Variants in ABL1 observed in about 807,000 individuals in gnomAD.
ABL1 encodes the protein tyrosine-protein kinase ABL1.
In ABL1, 11 loss-of-function variants were observed where a neutral mutation model predicts 94.7. The observed-to-expected ratio is 0.12, with a 90% CI of 0.07 to 0.19. ABL1 has a LOEUF of 0.19. Among genes scored for constraint, ABL1 ranks in the 10% least tolerant of loss-of-function variants. The pLI is 1.00. For missense variants in ABL1, 1,082 were observed against 1,489.4 expected (o/e 0.73, Z 4.50); for synonymous variants, 656 against 622.4 (o/e 1.05, Z -0.80).
chr9:130,877,114 C>T (rs1033378689), intron 7 of ABL1, among the ~76,000 whole-genome samples: 2 of 147,956 alleles, frequency 1.4e-5, no homozygotes, highest in East Asian at 1.9e-4. Context: ...CAGTCCACTG[C>T]GGTTATTTTC....
chr9:130,787,484 C>G (rs987695754), intron 1 of ABL1, among the ~76,000 whole-genome samples: 2 of 152,138 alleles, frequency 1.3e-5, no homozygotes, highest in Admixed American at 1.3e-4. Flanking sequence ...TTGCTGGTAC[C>G]TCACCCCCAG....
At chr9:130,802,093 G>GTTTTTTTTT (rs755216103) in intron 1 of ABL1, among the ~76,000 whole-genome samples, 4 of 118,802 alleles carry the variant, frequency 3.4e-5, no homozygotes, top group African/African-American at 8.2e-5. Flanking sequence ...TTTTCCTTCA[G>GTTTTTTTTT]TCTTTTTTTT....
intron 1 of ABL1, among the ~76,000 whole-genome samples, chr9:130,827,969 A>T (rs959872548): frequency 2.0e-5 from 3 of 151,594 alleles, no homozygotes; most frequent in African/African-American, 7.3e-5. Flanking sequence ...CTGCTTAAAA[A>T]AAAAAGAACT....
intron 1 of ABL1, among the ~76,000 whole-genome samples, chr9:130,848,357 A>AAG: frequency 6.7e-6 from 1 of 149,550 alleles, no homozygotes; most frequent in East Asian, 2.0e-4. Context: ...AAAAAAAAAA[A>AAG]AAAAAAAAAA....
Position 130,884,864 on chromosome 9 carries a change from C to A in ABL1, c.2574C>A (p.Gly858=). 6.2e-7 allele frequency: 1 copy of A among 1,607,102 alleles called. No individual in the cohort carries two copies. The highest frequency in any genetic ancestry group is 8.5e-7 in the Non-Finnish European group (1 of 1,176,732). Residue 858 remains glycine (G), a synonymous_variant, in exon 11 of 11, where the codon GGC becomes GGA. Coordinates refer to ENST00000318560, the MANE Select transcript of ABL1 (RefSeq NM_005157.6). This position sits in a 1 kb window ranked among gnomAD's most constrained non-coding sequence, Gnocchi z 5.6. ...AEPVTPTSKA[G]SGAPGGTSKG... is the part of the protein sequence containing the mutation. ...CAGTGACCCCCACCAGCAAAGCAGG[C>A]TCAGGTGCACCAGGGGGCACCAGCA...
intron 1 of ABL1, among the ~76,000 whole-genome samples, chr9:130,821,205 C>T (rs7022066): frequency 0.01 from 1,564 of 152,262 alleles, 31 homozygotes; most frequent in African/African-American, 0.032. Context: ...GCTGGGATTA[C>T]AGGCGTGAGC....
In ABL1 at chr9:130,809,417, A is replaced by AGAGAGAGAGT. The variant is rs1389499231; in HGVS notation, c.137-44646_137-44645insAGAGAGAGTG. On this transcript the variant is annotated intron_variant, in intron 1 of 10. Transcript: ENST00000372348. ...GAGAGAGAGAGAGAGAGAGAGAGAG[A>AGAGAGAGAGT]GTGTGTGTGTGTGTGTGTGTGTGTG... Among the ~76,000 whole-genome samples the AGAGAGAGAGT allele has an allele frequency of 9.6e-3, 807 of 84,328 alleles. 8 individuals carry two copies. Among genetic ancestry groups the AGAGAGAGAGT allele is most frequent in the Non-Finnish European group, 0.016 (587 of 37,332 alleles). The allele number at this position is 84,328 out of a possible 152,430, so 55.3% of individuals were successfully genotyped here.
chr9:130,804,679 A>G (rs1385885448), intron 1 of ABL1, among the ~76,000 whole-genome samples: 1 of 152,232 alleles, frequency 6.6e-6, no homozygotes, highest in African/African-American at 2.4e-5. Flanking sequence ...TGAAATTTTA[A>G]ACAATTTGTG....
At chr9:130,774,767 A>G (rs1211921951) in intron 1 of ABL1, among the ~76,000 whole-genome samples, 1 of 152,068 alleles carries the variant, frequency 6.6e-6, no homozygotes, top group East Asian at 1.9e-4. Context: ...TATCTCTTGA[A>G]CCCAGGAGGT....
At chr9:130,713,626 A>G (rs1037317538) in exon 1 of ABL1, among the ~76,000 whole-genome samples, 6 of 152,160 alleles carry the variant, frequency 3.9e-5, no homozygotes, top group Non-Finnish European at 7.3e-5. Context: ...ACTTCTTCCA[A>G]TGTCACCTAC....
chr9:130,882,902 C>T (rs550608687), intron 10 of ABL1, among the ~76,000 whole-genome samples: 9 of 152,210 alleles, frequency 5.9e-5, no homozygotes, highest in Non-Finnish European at 1.0e-4. Flanking sequence ...GTTGGCCGGG[C>T]GTGGTGGCTC....
At chr9:130,818,890 C>T (rs1830323465) in intron 1 of ABL1, among the ~76,000 whole-genome samples, 2 of 152,192 alleles carry the variant, frequency 1.3e-5, no homozygotes. Flanking sequence ...AATTTCTCCC[C>T]CAAGAACGCT....
chr9:130,874,361 G>A (rs1831305658), intron 6 of ABL1, among the ~76,000 whole-genome samples: 2 of 152,288 alleles, frequency 1.3e-5, no homozygotes, highest in Middle Eastern at 3.4e-3. Flanking sequence ...AATGCCATGG[G>A]CTTTGTTTTA....
rs138195681 is a variant in ABL1 at position 130,777,366 on chromosome 9, T to C, written c.136+62911T>C. ...TAATGAGTAGAGGAATCAAGGAACC[T>C]CTCAGGGCTTTGTGTTGGGACGCTG... is the stretch of plus-strand genomic sequence containing the variant. On this transcript the variant is annotated intron_variant, in intron 1 of 10. Transcript: ENST00000372348. Among the ~76,000 whole-genome samples, 31 of 152,334 alleles carry C rather than the reference T, an allele frequency of 2.0e-4. 1 individual carries two copies. The East Asian group carries it at 4.1e-3, about 20-fold the overall frequency.
intron 1 of ABL1, among the ~76,000 whole-genome samples, chr9:130,747,319 AG>A (rs1831899978): frequency 6.6e-6 from 1 of 152,078 alleles, no homozygotes; most frequent in African/African-American, 2.4e-5. Context: ...TGGCGGTTGC[AG>A]TGAGCCAAGA....
At chr9:130,761,031 T>C (rs1832107703) in intron 1 of ABL1, among the ~76,000 whole-genome samples, 1 of 141,320 alleles carries the variant, frequency 7.1e-6, no homozygotes, top group Admixed American at 7.5e-5. Flanking sequence ...CACTGCAAGC[T>C]CCGCCTCCCA....
chr9:130,870,558 C>T (rs1831234962), intron 4 of ABL1, among the ~76,000 whole-genome samples: 1 of 152,172 alleles, frequency 6.6e-6, no homozygotes, highest in Non-Finnish European at 1.5e-5. Flanking sequence ...ACTGTCCAGC[C>T]TTTGACATTA....
intron 3 of ABL1, among the ~76,000 whole-genome samples, chr9:130,859,292 A>C (rs909217432): frequency 6.6e-6 from 1 of 152,152 alleles, no homozygotes; most frequent in African/African-American, 2.4e-5. Flanking sequence ...ATTTATTTTC[A>C]TCGTCTGCTG....
At chr9:130,848,664 C>T (rs531257747) in intron 1 of ABL1, among the ~76,000 whole-genome samples, 4 of 152,186 alleles carry the variant, frequency 2.6e-5, no homozygotes, top group East Asian at 1.9e-4. Context: ...AGGCCAGACA[C>T]GGTGGCTCAC....
Sources: allele counts gnomAD v4.1 joint callset (sites outside exome capture counted in the v4.1 genomes callset), GRCh38; gene constraint gnomAD v4.1.1; non-coding constraint Gnocchi (gnomAD v3.1); transcripts MANE v1.5; gene names NCBI Gene and HGNC (gene_info 2026-07-23, HGNC 2026-07-21).